FNDC3A: variants seen among roughly 807,000 people sequenced by gnomAD.
FNDC3A encodes the protein fibronectin type-III domain-containing protein 3A.
FNDC3A carries 32 observed loss-of-function variants against 148.9 expected under a neutral mutation model. The ratio of observed to expected loss-of-function variants is 0.21; its 90% CI spans 0.16 to 0.29. FNDC3A has a LOEUF of 0.29. FNDC3A is among the 10% of genes least tolerant of loss of function. FNDC3A has a pLI of 1.00. For synonymous variants in FNDC3A, 472 were observed against 473.6 expected (o/e 1.00, Z 0.04); for missense variants, 1,191 against 1,452.8 (o/e 0.82, Z 2.93).
At chr13:49,039,768 G>T (rs1386969755) in intron 2 of FNDC3A, among the ~76,000 whole-genome samples, 1 of 152,098 alleles carries the variant, frequency 6.6e-6, no homozygotes, top group Non-Finnish European at 1.5e-5. Flanking sequence ...AGGCTGGAGT[G>T]CAATGGCGCA....
At chr13:49,206,097 G>T (rs538548322) in intron 25 of FNDC3A, among the ~76,000 whole-genome samples, 1 of 152,316 alleles carries the variant, frequency 6.6e-6, no homozygotes, top group East Asian at 1.9e-4. Flanking sequence ...TACAGAATGA[G>T]TGGTGGGAGG....
chr13:49,204,884 C>T (rs1470365227), intron 25 of FNDC3A, among the ~76,000 whole-genome samples: 1 of 152,166 alleles, frequency 6.6e-6, no homozygotes, highest in Non-Finnish European at 1.5e-5. Context: ...ATCTCCTCTC[C>T]AACATCTTTA....
intron 8 of FNDC3A, chr13:49,146,962 C>G (rs1883032525): frequency 6.6e-6 from 1 of 152,136 alleles, no homozygotes; most frequent in Non-Finnish European, 1.5e-5. Flanking sequence ...ACAATTAGCA[C>G]AGAACACTGG....
chr13:49,131,231 A>G lies in FNDC3A; in HGVS notation c.347A>G (p.His116Arg). Residue 116 changes from histidine to arginine, a missense_variant, in exon 5 of 26, where the codon CAT becomes CGT. By Grantham distance (29) the His-to-Arg change is conservative. Around this residue, in one of 3 missense-constraint regions of FNDC3A, gnomAD observed 426 missense variants for 473.2 expected, o/e 0.90. Transcript: ENST00000492622. ...GSHTVLHRSP[H>R]PPLPGFIPVP... ...CACACAGTTCTCCACCGTTCTCCAC[A>G]TCCTCCTCTACCTGGTTTCATTCCT... 1 of 1,614,006 alleles carries G rather than the reference A, an allele frequency of 6.2e-7. No individual in the cohort carries two copies. Among genetic ancestry groups the G allele is most frequent in the Non-Finnish European group, 8.5e-7 (1 of 1,179,984 alleles).
chr13:48,982,759 G>A (rs555155035), intron 1 of FNDC3A, among the ~76,000 whole-genome samples: 2 of 152,210 alleles, frequency 1.3e-5, no homozygotes, highest in African/African-American at 4.8e-5. Flanking sequence ...GTGATATAGT[G>A]TAGAGAACAT....
At chr13:49,034,791 A>G (rs911161383) in intron 2 of FNDC3A, among the ~76,000 whole-genome samples, 3 of 152,020 alleles carry the variant, frequency 2.0e-5, no homozygotes, top group African/African-American at 7.2e-5. Context: ...AAGGGGGTGC[A>G]TGTTATTGCT....
chr13:49,107,659 A>G (rs1470080231), intron 3 of FNDC3A, among the ~76,000 whole-genome samples: 2 of 152,214 alleles, frequency 1.3e-5, no homozygotes, highest in Non-Finnish European at 2.9e-5. Flanking sequence ...GTTCAGTTTC[A>G]TGTCAAATAA....
chr13:49,174,344 T>G, intron 11 of FNDC3A, 91 bp from the exon 12 acceptor site: 1 of 1,020,486 alleles, frequency 9.8e-7, no homozygotes, highest in South Asian at 1.6e-5. Flanking sequence ...AGTATACACT[T>G]GCTAATATGT....
intron 2 of FNDC3A, among the ~76,000 whole-genome samples, chr13:49,069,121 A>T (rs1877474117): frequency 6.6e-6 from 1 of 152,238 alleles, no homozygotes; most frequent in African/African-American, 2.4e-5. Flanking sequence ...TAAAACTCAT[A>T]ATCTTAAGTG....
At chr13:49,029,726 A>G (rs1433879264) in intron 2 of FNDC3A, among the ~76,000 whole-genome samples, 1 of 152,206 alleles carries the variant, frequency 6.6e-6, no homozygotes, top group Non-Finnish European at 1.5e-5. Flanking sequence ...CTTTTCAAGA[A>G]CAAAAAAGAC....
intron 2 of FNDC3A, among the ~76,000 whole-genome samples, chr13:49,014,512 G>A (rs1593471465): frequency 7.2e-6 from 1 of 139,594 alleles, no homozygotes; most frequent in Non-Finnish European, 1.6e-5. Context: ...TTTGTCAGAT[G>A]AGTAGGTTGT....
At chr13:49,031,794 A>G (rs1392713304) in intron 2 of FNDC3A, among the ~76,000 whole-genome samples, 1 of 152,194 alleles carries the variant, frequency 6.6e-6, no homozygotes, top group Non-Finnish European at 1.5e-5. Context: ...CTTCATCAAA[A>G]TTGAATAATT....
chr13:48,986,769 G>T (rs1468787341), intron 1 of FNDC3A, among the ~76,000 whole-genome samples: 1 of 152,104 alleles, frequency 6.6e-6, no homozygotes, highest in Non-Finnish European at 1.5e-5. Flanking sequence ...AGGCATAGTT[G>T]TAGATTTATA....
chr13:49,087,630 A>G (rs1004824918), intron 3 of FNDC3A, among the ~76,000 whole-genome samples: 1 of 152,158 alleles, frequency 6.6e-6, no homozygotes, highest in African/African-American at 2.4e-5. Flanking sequence ...ACAAGAGTCA[A>G]AAATTTACAG....
At chr13:49,106,213 T>C (rs934846059) in intron 3 of FNDC3A, among the ~76,000 whole-genome samples, 3 of 152,234 alleles carry the variant, frequency 2.0e-5, no homozygotes, top group African/African-American at 7.2e-5. Context: ...GACCTTCTCA[T>C]TGAAACCTAA....
At chr13:49,190,349 A>G (rs1885820777) in intron 17 of FNDC3A, among the ~76,000 whole-genome samples, 1 of 152,204 alleles carries the variant, frequency 6.6e-6, no homozygotes, top group South Asian at 2.1e-4. Flanking sequence ...AGGATGAAGG[A>G]AAGATAATCT....
intron 1 of FNDC3A, among the ~76,000 whole-genome samples, chr13:49,004,201 A>C (rs1952178963): frequency 6.6e-6 from 1 of 152,142 alleles, no homozygotes; most frequent in Non-Finnish European, 1.5e-5. Flanking sequence ...TAGTAACAAA[A>C]CTAGAAGTAA....
At chr13:48,985,932 A>G (rs1358015758) in intron 1 of FNDC3A, among the ~76,000 whole-genome samples, 1 of 152,258 alleles carries the variant, frequency 6.6e-6, no homozygotes, top group African/African-American at 2.4e-5. Context: ...GATTAGGACC[A>G]TTCCTCCTGG....
chr13:49,168,454 C>CT (rs373371058), intron 9 of FNDC3A, among the ~76,000 whole-genome samples, 159 bp from the exon 10 acceptor site: 163 of 147,014 alleles, frequency 1.1e-3, no homozygotes, highest in African/African-American at 3.3e-3. Context: ...AAAACTTGTC[C>CT]TTTTTTTTTT....
Sources: allele counts gnomAD v4.1 joint callset (sites outside exome capture counted in the v4.1 genomes callset), GRCh38; gene constraint gnomAD v4.1.1; regional missense constraint gnomAD v4.1.1; transcripts MANE v1.5; gene names NCBI Gene and HGNC (gene_info 2026-07-23, HGNC 2026-07-21).